The following COL5A1 variants were observed in gnomAD, a reference collection of about 807,000 sequenced individuals.
COL5A1 encodes the protein collagen alpha-1(V) chain.
In COL5A1, 16 loss-of-function variants were observed where a neutral mutation model predicts 263.7. The ratio of observed to expected loss-of-function variants is 0.06; its 90% CI spans 0.04 to 0.09. The LOEUF is 0.09. COL5A1 is among the 10% of genes least tolerant of loss of function. The probability of loss-of-function intolerance (pLI) is 1.00; values close to 1 mark genes in which losing one functional copy is unlikely to be tolerated. For missense variants in COL5A1, 2,036 were observed against 2,540.5 expected (o/e 0.80, Z 4.27); for synonymous variants, 1,012 against 1,004.5 (o/e 1.01, Z -0.14).
At position 134,843,966 on chromosome 9, in the gene COL5A1, G is replaced by A. The variant is rs1303112364; in HGVS notation, c.*1663G>A. On this transcript the variant is annotated 3_prime_UTR_variant, in exon 66 of 66. Coordinates refer to ENST00000371817, the MANE Select transcript of COL5A1 (RefSeq NM_000093.5). ...CATCGAGGTCGGGGGGCTGCCGTCT[G>A]TGGGCAGGAGGACCCGAGGGGCAGC... 6.6e-6 allele frequency: 1 copy of A among 152,280 alleles called. No homozygotes were observed. The highest frequency in any genetic ancestry group is 6.5e-5 in the Admixed American group (1 of 15,292). 9.4% of individuals were successfully genotyped at this position (152,280 alleles called of 1,614,324 possible).
At chr9:134,688,409 G>A (rs965865726) in intron 1 of COL5A1, among the ~76,000 whole-genome samples, 7 of 152,238 alleles carry the variant, frequency 4.6e-5, no homozygotes, top group South Asian at 2.1e-4. Context: ...CAGGTGGACC[G>A]GCAGCTGGCG....
Position 134,753,840 on chromosome 9 carries a change from G to A in COL5A1, c.1720-10G>A, listed in dbSNP as rs2132689776. The A allele has an allele frequency of 6.5e-7, 1 of 1,538,500 alleles. No individual in the cohort carries two copies. Among genetic ancestry groups the A allele is most frequent in the African/African-American group, 1.4e-5 (1 of 71,290 alleles). ...TCGAGCAGACATTAACACACACCAT[G>A]TCTCCCTAGGGTCCCCCTGGGAGCG... On this transcript the variant is annotated splice_polypyrimidine_tract_variant and intron_variant, in intron 14 of 65. Coordinates refer to ENST00000371817, the MANE Select transcript of COL5A1 (RefSeq NM_000093.5).
chr9:134,645,799 G>C (rs893610362), intron 1 of COL5A1, among the ~76,000 whole-genome samples: 1 of 152,170 alleles, frequency 6.6e-6, no homozygotes, highest in African/African-American at 2.4e-5. Context: ...ACTTCCCATC[G>C]GTTTATCAGC....
intron 11 of COL5A1, among the ~76,000 whole-genome samples, chr9:134,748,810 G>A (rs1335969272): frequency 6.6e-6 from 1 of 152,220 alleles, no homozygotes; most frequent in Non-Finnish European, 1.5e-5. Context: ...AATCCAACGT[G>A]CATCGGCAGA....
In COL5A1 at chr9:134,796,831, C is replaced by A. The variant is rs368737278; in HGVS notation, c.2845-17C>A. 3.7e-4 allele frequency: 592 copies of A among 1,613,704 alleles called. 1 individual carries two copies. Among genetic ancestry groups the A allele is most frequent in the Non-Finnish European group, 4.8e-4 (569 of 1,179,666 alleles). ...GAGAGACCTCTTGTCCTCAAACTGGCCTTTCTCTGTTCCCAGGGACCCAAT... is the reference window on the plus strand; with the variant it reads ...GAGAGACCTCTTGTCCTCAAACTGGACTTTCTCTGTTCCCAGGGACCCAAT... On this transcript the variant is annotated splice_polypyrimidine_tract_variant and intron_variant, in intron 35 of 65. Transcript: ENST00000371817.
rs1043988054 is a variant in COL5A1, at chr9:134,804,901, T to G, written c.3115-74T>G. 6.5e-5 allele frequency: 86 copies of G among 1,324,450 alleles called. No individual in the cohort carries two copies. The Middle Eastern group carries it at 1.0e-3, about 16-fold the overall frequency. 82.0% of individuals were successfully genotyped at this position (1,324,450 alleles called of 1,614,324 possible). On this transcript the variant is annotated intron_variant, in intron 39 of 65. Coordinates refer to ENST00000371817, the MANE Select transcript of COL5A1 (RefSeq NM_000093.5). ...CTCCAAGAGAGAAGGCCCCAGCCCT[T>G]GGCTTCGCTCTGGGGCTGGTGAGAG...
chr9:134,684,713 G>A (rs575533431), intron 1 of COL5A1, among the ~76,000 whole-genome samples: 18 of 152,336 alleles, frequency 1.2e-4, no homozygotes, highest in Non-Finnish European at 1.8e-4. Flanking sequence ...CATGGGGATC[G>A]TGGAAATGCC....
At chr9:134,657,121 A>G (rs188202895) in intron 1 of COL5A1, among the ~76,000 whole-genome samples, 535 of 3,756 alleles carry the variant, frequency 0.14, 1 homozygote, top group Non-Finnish European at 0.16. Context: ...GTTTATAGAT[A>G]ATATGGGGGC....
chr9:134,750,434 C>T (rs564585452), intron 11 of COL5A1, 108 bp from the exon 12 acceptor site: 2 of 958,288 alleles, frequency 2.1e-6, no homozygotes, highest in African/African-American at 3.2e-5. Context: ...CTGTGCGTGT[C>T]CAGTGCATTT....
intron 1 of COL5A1, among the ~76,000 whole-genome samples, chr9:134,668,722 A>T (rs957325366): frequency 6.6e-6 from 1 of 151,272 alleles, no homozygotes; most frequent in Non-Finnish European, 1.5e-5. Flanking sequence ...CTGTGCATCC[A>T]TATCATTAAT....
intron 64 of COL5A1, among the ~76,000 whole-genome samples, chr9:134,833,287 C>T (rs1839719843): frequency 6.6e-6 from 1 of 152,250 alleles, no homozygotes; most frequent in Non-Finnish European, 1.5e-5. Context: ...AAGTGAGATG[C>T]ATCATGGCTC....
intron 32 of COL5A1, among the ~76,000 whole-genome samples, chr9:134,790,281 T>C (rs1265591377): frequency 6.6e-6 from 1 of 152,132 alleles, no homozygotes; most frequent in African/African-American, 2.4e-5. Flanking sequence ...TCTCCACCCC[T>C]CTCTGTCTCT....
intron 18 of COL5A1, 149 bp from the exon 19 acceptor site, chr9:134,761,776 T>C: frequency 1.2e-6 from 1 of 822,240 alleles, no homozygotes. Context: ...GCACACGTGA[T>C]CTTCTAAGGA....
chr9:134,649,716 A>G (rs137945466), intron 1 of COL5A1: 3 of 346,330 alleles, frequency 8.7e-6, no homozygotes, highest in South Asian at 2.3e-5. Context: ...TCATCCTACT[A>G]TAAAGAGAAA....
intron 42 of COL5A1, 104 bp from the exon 43 acceptor site, chr9:134,809,079 A>T: frequency 9.7e-7 from 1 of 1,028,476 alleles, no homozygotes; most frequent in Non-Finnish European, 1.5e-6. Context: ...ACCCTCACCA[A>T]CTCCCACTTC....
intron 4 of COL5A1, among the ~76,000 whole-genome samples, chr9:134,715,725 A>C (rs902268404): frequency 6.6e-6 from 1 of 152,252 alleles, no homozygotes; most frequent in African/African-American, 2.4e-5. Flanking sequence ...TTAAACCTTG[A>C]GTCGACACAG....
At chr9:134,730,093 A>G (rs768921066) in intron 6 of COL5A1, 143 bp from the exon 7 acceptor site, 4 of 1,276,444 alleles carry the variant, frequency 3.1e-6, no homozygotes, top group Non-Finnish European at 3.4e-6. Context: ...CCCTGCACCC[A>G]AGAGGTCTCT....
Position 134,757,827 on chromosome 9 carries a change from C to T in COL5A1, c.1882-416C>T, listed in dbSNP as rs1442568518. ...GTCCACCAATGGGTACGCGTACCTC[C>T]TGAGCGCGGGCAGCCCCTCGGCACC... On this transcript the variant is annotated intron_variant, in intron 17 of 65. Coordinates refer to ENST00000371817, the MANE Select transcript of COL5A1 (RefSeq NM_000093.5). This position sits in a 1 kb window ranked among gnomAD's most constrained non-coding sequence, Gnocchi z 6.2. Among the ~76,000 whole-genome samples the T allele has an allele frequency of 1.3e-5, 2 of 152,170 alleles. No homozygotes were observed. The highest frequency in any genetic ancestry group is 2.9e-5 in the Non-Finnish European group (2 of 68,028).
rs574948642 is a variant in COL5A1 at position 134,754,405 on chromosome 9, C to A, written c.1827+79C>A. The A allele has an allele frequency of 5.2e-6, 8 of 1,529,370 alleles. No individual in the cohort carries two copies. The highest frequency in any genetic ancestry group is 5.0e-5 in the Admixed American group (3 of 59,854). 94.7% of individuals were successfully genotyped at this position (1,529,370 alleles called of 1,614,324 possible). ...GCCCAAATCTGGGGTGCGGGCACCC[C>A]CAACAGCCAGCTGGGCCACATGAAG... On this transcript the variant is annotated intron_variant, in intron 16 of 65. Coordinates refer to ENST00000371817, the MANE Select transcript of COL5A1 (RefSeq NM_000093.5). This position sits in a 1 kb window ranked among gnomAD's most constrained non-coding sequence, Gnocchi z 4.3.
Sources: gnomAD v4.1 joint callset for allele counts (sites outside exome capture counted in the v4.1 genomes callset) on GRCh38, gnomAD v4.1.1 for gene constraint, Gnocchi (gnomAD v3.1) non-coding constraint, MANE v1.5 for transcripts, NCBI Gene and HGNC (gene_info 2026-07-23, HGNC 2026-07-21) for gene names.